NRROS: variants seen among roughly 807,000 people sequenced by gnomAD.
NRROS encodes negative regulator of reactive oxygen species, also known as transforming growth factor beta activator LRRC33.
In NRROS, 6 loss-of-function variants were observed where a neutral mutation model predicts 12.0. The observed-to-expected ratio is 0.50, with a 90% CI of 0.27 to 0.98. The LOEUF (loss-of-function observed/expected upper bound fraction) is 0.98, where lower values mean the gene tolerates loss of function less well. NRROS is among the 50% of genes least tolerant of loss of function. The pLI is 0.11. For synonymous variants in NRROS, 462 were observed against 410.2 expected (o/e 1.13, Z -1.53); for missense variants, 857 against 888.2 (o/e 0.96, Z 0.45).
chr3:196,654,573 T>G lies in NRROS; in HGVS notation c.34T>G (p.Phe12Val). Residue 12 changes from phenylalanine to valine, a missense_variant, in exon 2 of 3, where the codon TTT becomes GTT. Phe to Val is a conservative substitution (Grantham distance 50). Transcript: ENST00000328557. This position sits in a 1 kb window ranked among gnomAD's most constrained non-coding sequence, Gnocchi z 4.4. ...GCTGCCTCTTTGGCTCTGCCTGGGT[T>G]TTCACTTCCTGACCGTGGGCTGGAG... Reference protein sequence around the residue: ...ELLPLWLCLGFHFLTVGWRNR... With the variant: ...ELLPLWLCLGVHFLTVGWRNR... 1 of 1,614,058 alleles carries G rather than the reference T, an allele frequency of 6.2e-7. No homozygotes were observed. The highest frequency in any genetic ancestry group is 8.5e-7 in the Non-Finnish European group (1 of 1,179,962).
At position 196,659,801 on chromosome 3, in the gene NRROS, G is replaced by C; in HGVS notation, c.158G>C (p.Ser53Thr). The change falls in exon 3 of 3, where the codon AGC (serine) becomes ACC (threonine). Residue 53 changes from serine (S) to threonine (T), a missense_variant. Coordinates refer to ENST00000328557, the MANE Select transcript of NRROS (RefSeq NM_198565.3). The stretch of plus-strand genomic sequence containing the variant: ...GGGCAGAGCCTCGCTTCGGTGCCCA[G>C]CAGCCTCCCGCCCCACGCCCGGATG... ...CRGQSLASVP[S>T]SLPPHARMLT... 2 of 1,613,640 alleles carry C rather than the reference G, an allele frequency of 1.2e-6. No individual in the cohort carries two copies. The highest frequency in any genetic ancestry group is 1.7e-4 in the Middle Eastern group (1 of 6,056).
chr3:196,661,744 G>T lies in NRROS; in HGVS notation c.*22G>T. Reference sequence around the variant, plus strand: ...CTGACCTGGCTGTGTGCCAAGACTCGAAATTCGGTCCGCACACAACAGGAC... The same window carrying T: ...CTGACCTGGCTGTGTGCCAAGACTCTAAATTCGGTCCGCACACAACAGGAC... On this transcript the variant is annotated 3_prime_UTR_variant, in exon 3 of 3. Coordinates refer to ENST00000328557, the MANE Select transcript of NRROS (RefSeq NM_198565.3). The T allele has an allele frequency of 6.4e-7, 1 of 1,564,602 alleles. No individual in the cohort carries two copies. The highest frequency in any genetic ancestry group is 2.3e-5 in the East Asian group (1 of 44,262).
intron 1 of NRROS, among the ~76,000 whole-genome samples, chr3:196,642,318 A>G (rs1737224906): frequency 6.6e-6 from 1 of 151,798 alleles, no homozygotes; most frequent in African/African-American, 2.4e-5. Context: ...TTATTGTTTC[A>G]AATAACTGAA....
intron 1 of NRROS, among the ~76,000 whole-genome samples, chr3:196,643,899 A>C (rs1322934210): frequency 1.3e-5 from 2 of 151,960 alleles, no homozygotes; most frequent in African/African-American, 4.8e-5. Flanking sequence ...GTCAGACACC[A>C]AGGCTGAGCC....
chr3:196,650,560 C>T (rs1350639814), intron 1 of NRROS, among the ~76,000 whole-genome samples: 1 of 152,164 alleles, frequency 6.6e-6, no homozygotes, highest in Admixed American at 6.5e-5. Context: ...GGATTACAGG[C>T]GTAAGCCACC....
chr3:196,640,371 A>T (rs1737184626), intron 1 of NRROS, among the ~76,000 whole-genome samples: 1 of 152,210 alleles, frequency 6.6e-6, no homozygotes, highest in Non-Finnish European at 1.5e-5. Flanking sequence ...TATCTCATAG[A>T]TGAAGACACT....
chr3:196,649,186 C>T (rs891819606), intron 1 of NRROS, among the ~76,000 whole-genome samples: 18 of 152,174 alleles, frequency 1.2e-4, no homozygotes, highest in Non-Finnish European at 1.8e-4. Flanking sequence ...CCCAGTGCTT[C>T]CTGGAGAAGG....
At chr3:196,646,065 C>G (rs557679843) in intron 1 of NRROS, among the ~76,000 whole-genome samples, 2 of 152,360 alleles carry the variant, frequency 1.3e-5, no homozygotes, top group East Asian at 1.9e-4. Flanking sequence ...ACGTGAAGTC[C>G]GAACATTCCC....
chr3:196,639,991 G>A (rs1182365585), intron 1 of NRROS, 116 bp downstream of exon 1: 2 of 152,488 alleles, frequency 1.3e-5, no homozygotes, highest in African/African-American at 4.8e-5. Context: ...CGCAGCTCAG[G>A]GCTCACGAGG....
chr3:196,660,209 A>G lies in NRROS; in HGVS notation c.566A>G (p.Gln189Arg), dbSNP rs902356072. Residue 189 changes from glutamine (Q) to arginine (R), a missense_variant, in exon 3 of 3, where the codon CAG becomes CGG. Gln to Arg is a conservative substitution (Grantham distance 43). Coordinates refer to ENST00000328557, the MANE Select transcript of NRROS (RefSeq NM_198565.3). This position sits in a 1 kb window ranked among gnomAD's most constrained non-coding sequence, Gnocchi z 7.7. ...GAGCGTCTCCGGGAGCTGGATCTGC[A>G]GAGGAACTACATCTTCGAGATCGAG... ...GLERLRELDL[Q>R]RNYIFEIEGG... 1 of 1,613,452 alleles carries G rather than the reference A, an allele frequency of 6.2e-7. No homozygotes were observed. Among genetic ancestry groups the G allele is most frequent in the Non-Finnish European group, 8.5e-7 (1 of 1,180,028 alleles).
chr3:196,640,656 G>C (rs769317806), intron 1 of NRROS, among the ~76,000 whole-genome samples: 14 of 152,200 alleles, frequency 9.2e-5, no homozygotes, highest in Non-Finnish European at 1.9e-4. Flanking sequence ...AGGGGTCAGC[G>C]TACTTCCCCA....
At chr3:196,648,688 C>T (rs2108637437) in intron 1 of NRROS, among the ~76,000 whole-genome samples, 1 of 143,308 alleles carries the variant, frequency 7.0e-6, no homozygotes, top group East Asian at 2.1e-4. Context: ...ATCACTTGAA[C>T]CCGGGAGGCG....
chr3:196,641,277 G>A (rs1737204065), intron 1 of NRROS, among the ~76,000 whole-genome samples: 1 of 152,058 alleles, frequency 6.6e-6, no homozygotes, highest in Admixed American at 6.6e-5. Flanking sequence ...TCTGTGGCAC[G>A]ATCACAGATC....
In NRROS at chr3:196,660,974, C is replaced by T. The variant is rs770604104; in HGVS notation, c.1331C>T (p.Pro444Leu). ...AATCAGATCTCACTTTGTCCCCTGC[C>T]AGCTGCCTCGGACCGGGTGGGCCCC... ...SHNQISLCPL[P>L]AASDRVGPPS... Residue 444 changes from proline (P) to leucine (L), a missense_variant, in exon 3 of 3, where the codon CCA becomes CTA. Transcript: ENST00000328557. This position sits in a 1 kb window ranked among gnomAD's most constrained non-coding sequence, Gnocchi z 7.7. 13 of 1,614,096 alleles carry T rather than the reference C, an allele frequency of 8.1e-6. No homozygotes were observed. Among genetic ancestry groups the T allele is most frequent in the Non-Finnish European group, 1.0e-5 (12 of 1,180,058 alleles).
chr3:196,661,642 T>C lies in NRROS; in HGVS notation c.1999T>C (p.Cys667Arg). The C allele has an allele frequency of 6.2e-7, 1 of 1,610,778 alleles. No individual in the cohort carries two copies. Among genetic ancestry groups the C allele is most frequent in the Non-Finnish European group, 8.5e-7 (1 of 1,179,960 alleles). ...LPSCLTLLVACTVIVLTFKKP... is the reference protein window; with the variant it reads ...LPSCLTLLVARTVIVLTFKKP... ...CAGCTGCCTCACCCTGCTGGTGGCC[T>C]GCACTGTCATCGTCCTCACTTTTAA... is the stretch of plus-strand genomic sequence containing the variant. Residue 667 changes from cysteine to arginine, a missense_variant, in exon 3 of 3, where the codon TGC (cysteine) becomes CGC (arginine). Cys to Arg is a radical substitution (Grantham distance 180). Transcript: ENST00000328557.
chr3:196,641,166 A>C (rs943854331), intron 1 of NRROS, among the ~76,000 whole-genome samples: 5 of 151,930 alleles, frequency 3.3e-5, no homozygotes, highest in Admixed American at 3.3e-4. Context: ...AAAACAAAAC[A>C]AAACAAACTC....
At chr3:196,656,940 C>A (rs1458173745) in intron 2 of NRROS, among the ~76,000 whole-genome samples, 6 of 151,850 alleles carry the variant, frequency 4.0e-5, no homozygotes, top group Non-Finnish European at 8.8e-5. Flanking sequence ...GCGGTGGCTC[C>A]CGCCTGTAAT....
intron 1 of NRROS, among the ~76,000 whole-genome samples, chr3:196,641,930 T>A (rs1168252883): frequency 1.3e-5 from 2 of 152,246 alleles, no homozygotes; most frequent in Non-Finnish European, 2.9e-5. Context: ...ATGACACACT[T>A]ACAGATGTCT....
chr3:196,660,467 G>A lies in NRROS; in HGVS notation c.824G>A (p.Arg275Gln), dbSNP rs747538067. 2.5e-6 allele frequency: 4 copies of A among 1,613,962 alleles called. No individual in the cohort carries two copies. The highest frequency in any genetic ancestry group is 2.2e-5 in the South Asian group (2 of 91,070). ...CTGCTGCCCCAGTACAGCAAGTTGCGGACCCTCCTGCTGCGCGACAACAAC... is the reference window on the plus strand; with the variant it reads ...CTGCTGCCCCAGTACAGCAAGTTGCAGACCCTCCTGCTGCGCGACAACAAC... ...FPLLPQYSKL[R>Q]TLLLRDNNMG... The change falls in exon 3 of 3, where the codon CGG (arginine) becomes CAG (glutamine). Residue 275 changes from arginine to glutamine, a missense_variant. Transcript: ENST00000328557. The surrounding 1 kb of genome is among the most constrained non-coding windows in gnomAD (Gnocchi z 7.7).
Sources: allele counts gnomAD v4.1 joint callset (sites outside exome capture counted in the v4.1 genomes callset), GRCh38; gene constraint gnomAD v4.1.1; non-coding constraint Gnocchi (gnomAD v3.1); transcripts MANE v1.5; gene names NCBI Gene and HGNC (gene_info 2026-07-23, HGNC 2026-07-21).